OR52N2: variants seen among roughly 807,000 people sequenced by gnomAD.
OR52N2 encodes the protein olfactory receptor family 52 subfamily N member 2.
For synonymous variants in OR52N2, 129 were observed against 72.0 expected (o/e 1.79, Z -4.01); for missense variants, 326 against 196.6 (o/e 1.66, Z -3.94).
At chr11:5,815,148 G>T (rs1846394406) in intron 1 of OR52N2, among the ~76,000 whole-genome samples, 1 of 152,078 alleles carries the variant, frequency 6.6e-6, no homozygotes, top group Non-Finnish European at 1.5e-5. Flanking sequence ...AAAATTTTAT[G>T]ACATTGGATT....
At chr11:5,810,771 C>A in intron 1 of OR52N2, among the ~76,000 whole-genome samples, 1 of 149,434 alleles carries the variant, frequency 6.7e-6, no homozygotes, top group Admixed American at 6.7e-5. Flanking sequence ...TTATAGTACA[C>A]AATCTTTTTT....
At chr11:5,812,494 C>CAA (rs57515736) in intron 1 of OR52N2, among the ~76,000 whole-genome samples, 7,416 of 103,256 alleles carry the variant, frequency 0.072, 485 homozygotes, top group African/African-American at 0.14. Flanking sequence ...GACTCCATCT[C>CAA]AAAAAAAAAA....
intron 1 of OR52N2, among the ~76,000 whole-genome samples, chr11:5,809,829 T>C (rs976705797): frequency 3.9e-5 from 6 of 152,208 alleles, no homozygotes; most frequent in African/African-American, 1.4e-4. Context: ...AAAGAACATC[T>C]TTATTTCTGC....
At chr11:5,818,588 A>G (rs1846422378) in intron 1 of OR52N2, among the ~76,000 whole-genome samples, 1 of 152,220 alleles carries the variant, frequency 6.6e-6, no homozygotes, top group Non-Finnish European at 1.5e-5. Flanking sequence ...GAAAGGGTAA[A>G]GACATTTTTG....
At chr11:5,814,568 A>G (rs1427696614) in intron 1 of OR52N2, among the ~76,000 whole-genome samples, 1 of 152,166 alleles carries the variant, frequency 6.6e-6, no homozygotes, top group East Asian at 1.9e-4. Flanking sequence ...GCCGAAATAA[A>G]TTAAAGAAGA....
At chr11:5,812,606 T>G (rs1846372969) in intron 1 of OR52N2, among the ~76,000 whole-genome samples, 1 of 151,628 alleles carries the variant, frequency 6.6e-6, no homozygotes, top group Admixed American at 6.6e-5. Flanking sequence ...ATTGTAAATA[T>G]ATATGTCTGT....
Position 5,820,305 on chromosome 11 carries a change from A to G in OR52N2, c.-31A>G, listed in dbSNP as rs747073166. The G allele has an allele frequency of 2.6e-6, 2 of 774,954 alleles. No individual in the cohort carries two copies. Among genetic ancestry groups the G allele is most frequent in the South Asian group, 2.7e-5 (2 of 73,558 alleles). The allele number at this position is 774,954 out of a possible 1,614,324, so 48.0% of individuals were successfully genotyped here. ...AGGCAGAAAGCAATGGCTGCTAAAG[A>G]GTATAAAATGCTCTCCTCCTGTCAG... On this transcript the variant is annotated 5_prime_UTR_variant, in exon 2 of 2. Coordinates refer to ENST00000317037, the MANE Select transcript of OR52N2 (RefSeq NM_001005174.3).
rs1364264099 is a variant in OR52N2 at position 5,821,111 on chromosome 11, T to C, written c.776T>C (p.Phe259Ser). The C allele has an allele frequency of 2.6e-6, 2 of 781,032 alleles. No individual in the cohort carries two copies. Among genetic ancestry groups the C allele is most frequent in the Non-Finnish European group, 4.8e-6 (2 of 418,108 alleles). The allele number at this position is 781,032 out of a possible 1,614,324, so 48.4% of individuals were successfully genotyped here. Residue 259 changes from phenylalanine (F) to serine (S), a missense_variant, in exon 2 of 2, where the codon TTC becomes TCC. Transcript: ENST00000317037. ...GTGATCACCTATGTTGCTGCTTTTT[T>C]CACTTTTTTCACTCATCGTTTTGTA... ...SIVITYVAAFFTFFTHRFVGH... is the reference protein window; with the variant it reads ...SIVITYVAAFSTFFTHRFVGH...
chr11:5,813,106 C>A (rs1237910055), intron 1 of OR52N2, among the ~76,000 whole-genome samples: 1 of 150,904 alleles, frequency 6.6e-6, no homozygotes, highest in African/African-American at 2.4e-5. Flanking sequence ...ACACCTACAT[C>A]AAAAAAATAA....
chr11:5,821,134 G>T lies in OR52N2; in HGVS notation c.799G>T (p.Val267Leu), dbSNP rs199663931. The T allele has an allele frequency of 4.9e-5, 38 of 780,902 alleles. No individual in the cohort carries two copies. In the Middle Eastern group the frequency reaches 1.1e-3, roughly 23 times the overall value. 48.4% of individuals were successfully genotyped at this position (780,902 alleles called of 1,614,324 possible). A position where few individuals can be genotyped will look rare whatever the true frequency, so the allele number is the denominator to read the frequency against. The change falls in exon 2 of 2, where the codon GTA becomes TTA. Residue 267 changes from valine (V) to leucine (L), a missense_variant. Physicochemically the swap from Val to Leu is conservative, Grantham distance 32. Transcript: ENST00000317037. ...TTTCACTTTTTTCACTCATCGTTTTGTAGGACACAATATCCCAAACCACAT... is the reference window on the plus strand; with the variant it reads ...TTTCACTTTTTTCACTCATCGTTTTTTAGGACACAATATCCCAAACCACAT... ...AFFTFFTHRF[V>L]GHNIPNHIHI...
chr11:5,818,527 GT>G (rs1846421350), intron 1 of OR52N2, among the ~76,000 whole-genome samples: 1 of 152,154 alleles, frequency 6.6e-6, no homozygotes, highest in Non-Finnish European at 1.5e-5. Flanking sequence ...AGATTTGATT[GT>G]GCCTAGCACT....
intron 1 of OR52N2, among the ~76,000 whole-genome samples, chr11:5,813,248 T>G (rs2134240930): frequency 6.7e-6 from 1 of 149,744 alleles, no homozygotes; most frequent in East Asian, 2.0e-4. Flanking sequence ...AAAAAAAAAG[T>G]AAAAAGATTC....
rs868508493 is a variant in OR52N2 at position 5,820,612 on chromosome 11, G to C, written c.277G>C (p.Glu93Gln). The C allele has an allele frequency of 1.3e-6, 1 of 782,706 alleles. No homozygotes were observed. The highest frequency in any genetic ancestry group is 2.4e-6 in the Non-Finnish European group (1 of 419,858). 48.5% of individuals were successfully genotyped at this position (782,706 alleles called of 1,614,324 possible). Residue 93 changes from glutamate to glutamine, a missense_variant, in exon 2 of 2, where the codon GAG (glutamate) becomes CAG (glutamine). Glu to Gln is a conservative substitution (Grantham distance 29, BLOSUM62 2). Transcript: ENST00000317037. ...GTGCATATTCTGGTTCAACCTCAAGGAGATTGACTTTAACGCCTGCCTGGC... is the reference window on the plus strand; with the variant it reads ...GTGCATATTCTGGTTCAACCTCAAGCAGATTGACTTTAACGCCTGCCTGGC... ...MLCIFWFNLK[E>Q]IDFNACLAQM... is the part of the protein sequence containing the mutation.
chr11:5,816,939 A>C (rs1022861371), intron 1 of OR52N2, among the ~76,000 whole-genome samples: 1 of 152,134 alleles, frequency 6.6e-6, no homozygotes, highest in Non-Finnish European at 1.5e-5. Context: ...ATTAATTTAA[A>C]TTTTGACAAA....
intron 1 of OR52N2, among the ~76,000 whole-genome samples, chr11:5,816,087 C>A (rs7118601): frequency 0.1 from 15,160 of 152,070 alleles, 1,178 homozygotes; most frequent in African/African-American, 0.22. Flanking sequence ...AGACAAATAT[C>A]ATATGATTCC....
At chr11:5,811,099 C>T (rs1296083290) in intron 1 of OR52N2, among the ~76,000 whole-genome samples, 1 of 151,326 alleles carries the variant, frequency 6.6e-6, no homozygotes, top group East Asian at 1.9e-4. Context: ...ACTTTGGCCA[C>T]CTGTTTTATT....
At position 5,816,545 on chromosome 11, in the gene OR52N2, C is replaced by CTTTTTTTTTTTTTTTTTTTTTT. The variant is rs1464421774; in HGVS notation, c.-54-3735_-54-3734insTTTTTTTTTTTTTTTTTTTTTT. Among the ~76,000 whole-genome samples the CTTTTTTTTTTTTTTTTTTTTTT allele has an allele frequency of 6.5e-4, 98 of 150,606 alleles. 3 individuals carry two copies. The highest frequency in any genetic ancestry group is 9.3e-4 in the Non-Finnish European group (63 of 67,502). ...CCAATTTAGGAAGCCTGATCTAAAT[C>CTTTTTTTTTTTTTTTTTTTTTT]TTCTTTTTTTGAGAGACACGGTCTC... On this transcript the variant is annotated intron_variant, in intron 1 of 1. Transcript: ENST00000317037.
rs766302229 is a variant in OR52N2, at chr11:5,809,023, C to T, written c.-86C>T. Among the ~76,000 whole-genome samples the T allele has an allele frequency of 1.4e-4, 21 of 152,102 alleles. No individual in the cohort carries two copies. The highest frequency in any genetic ancestry group is 2.6e-4 in the Non-Finnish European group (18 of 68,022). ...CCCGATCTCCCCTCCCTGAGACTAC[C>T]GCAACGGGGCATTGGAATGCGTCTC... On this transcript the variant is annotated 5_prime_UTR_variant, in exon 1 of 2. Coordinates refer to ENST00000317037, the MANE Select transcript of OR52N2 (RefSeq NM_001005174.3).
At chr11:5,810,428 C>G (rs1846351676) in intron 1 of OR52N2, among the ~76,000 whole-genome samples, 1 of 151,918 alleles carries the variant, frequency 6.6e-6, no homozygotes, top group Admixed American at 6.6e-5. Flanking sequence ...TCAAAAATCC[C>G]AAAACATTTT....
Sources: allele counts gnomAD v4.1 joint callset (sites outside exome capture counted in the v4.1 genomes callset), GRCh38; gene constraint gnomAD v4.1.1; transcripts MANE v1.5; gene names NCBI Gene and HGNC (gene_info 2026-07-23, HGNC 2026-07-21).